Variants in ANKRD31 observed in about 807,000 individuals in gnomAD.
The protein encoded by ANKRD31 is ankyrin repeat domain 31, also known as ankyrin repeat domain-containing protein 31.
Under a neutral mutation model 186.0 loss-of-function variants are expected in ANKRD31, and 147 were observed. The ratio of observed to expected loss-of-function variants is 0.79; its 90% CI spans 0.69 to 0.91. The LOEUF is 0.91. ANKRD31 is among the 40% of genes least tolerant of loss of function. The probability of loss-of-function intolerance (pLI) is 0.00; values close to 1 mark genes in which losing one functional copy is unlikely to be tolerated. For missense variants in ANKRD31, 1,986 were observed against 2,148.8 expected (o/e 0.92, Z 1.50); for synonymous variants, 673 against 736.4 (o/e 0.91, Z 1.39).
intron 1 of ANKRD31, among the ~76,000 whole-genome samples, chr5:75,233,898 T>C (rs557207255): frequency 2.1e-4 from 32 of 152,020 alleles, no homozygotes; most frequent in African/African-American, 6.5e-4. Flanking sequence ...GCCTGGGTGA[T>C]AGAATGAGAC....
In ANKRD31 at chr5:75,185,884, A is replaced by C. The variant is rs549036924; in HGVS notation, c.1564+2609T>G. Among the ~76,000 whole-genome samples the C allele has an allele frequency of 7.8e-4, 119 of 152,114 alleles. 1 individual carries two copies. Among genetic ancestry groups the C allele is most frequent in the African/African-American group, 2.7e-3 (113 of 41,528 alleles). ...ATTATGTATCCATTAAAAGTAAAAA[A>C]TGGTGTCCAATTCCAGGAAAAACAA... On this transcript the variant is annotated intron_variant, in intron 10 of 25. Coordinates refer to ENST00000506364, the MANE Select transcript of ANKRD31 (RefSeq NM_001372053.1).
chr5:75,176,119 C>T (rs1262514163), intron 10 of ANKRD31, among the ~76,000 whole-genome samples: 2 of 152,174 alleles, frequency 1.3e-5, no homozygotes, highest in Non-Finnish European at 2.9e-5. Flanking sequence ...CCTATGCCCA[C>T]GGAGCTTCAC....
At chr5:75,068,745 C>A in intron 25 of ANKRD31, 81 bp from the exon 26 acceptor site, 1 of 1,364,806 alleles carries the variant, frequency 7.3e-7, no homozygotes, top group South Asian at 1.7e-5. Flanking sequence ...ATCCTAGAAT[C>A]CAATCAAGTC....
At chr5:75,229,175 T>C (rs2150318723) in intron 2 of ANKRD31, among the ~76,000 whole-genome samples, 1 of 152,338 alleles carries the variant, frequency 6.6e-6, no homozygotes, top group African/African-American at 2.4e-5. Context: ...TAGATTTTTC[T>C]AGAAATGTTT....
intron 25 of ANKRD31, among the ~76,000 whole-genome samples, chr5:75,077,171 C>T (rs1443688985): frequency 6.6e-6 from 1 of 152,224 alleles, no homozygotes; most frequent in South Asian, 2.1e-4. Flanking sequence ...TGGGCTCAAG[C>T]GATTCTCCTG....
Position 75,105,168 on chromosome 5 carries a change from T to C in ANKRD31, c.4391A>G (p.Asn1464Ser), listed in dbSNP as rs1561425807. ...KHGALREQLA[N>S]LAARQKSLLV... ...AAGGCTCTTCTGTCTTGCAGCCAAG[T>C]TGGCCAATTGTTCTCTCAGGGCTCC... The change falls in exon 22 of 26, where the codon AAC (asparagine) becomes AGC (serine). Residue 1464 changes from asparagine (N) to serine (S), a missense_variant. Coordinates refer to ENST00000506364, the MANE Select transcript of ANKRD31 (RefSeq NM_001372053.1). 2.0e-6 allele frequency: 3 copies of C among 1,535,652 alleles called. No individual in the cohort carries two copies. Among genetic ancestry groups the C allele is most frequent in the Non-Finnish European group, 2.6e-6 (3 of 1,146,364 alleles).
At chr5:75,206,374 C>T (rs57380879) in intron 5 of ANKRD31, 37 bp downstream of exon 5, 3 of 1,278,632 alleles carry the variant, frequency 2.3e-6, no homozygotes, top group Non-Finnish European at 3.0e-6. Context: ...TAGGCAAAGA[C>T]TAATTTCCTT....
At chr5:75,228,681 T>C (rs1272953473) in intron 2 of ANKRD31, among the ~76,000 whole-genome samples, 1 of 152,094 alleles carries the variant, frequency 6.6e-6, no homozygotes, top group African/African-American at 2.4e-5. Context: ...GTAAGGAACA[T>C]GACCTTTCAT....
chr5:75,113,940 C>A (rs1434181766), intron 19 of ANKRD31, among the ~76,000 whole-genome samples: 1 of 152,118 alleles, frequency 6.6e-6, no homozygotes, highest in Non-Finnish European at 1.5e-5. Flanking sequence ...TCTTTTGGTG[C>A]CAACTTTCCT....
chr5:75,158,619 A>G (rs1752359050), intron 11 of ANKRD31, among the ~76,000 whole-genome samples: 1 of 152,172 alleles, frequency 6.6e-6, no homozygotes. Context: ...TCTACAAAAA[A>G]TACAAGTAAA....
At chr5:75,109,299 A>T in intron 20 of ANKRD31, among the ~76,000 whole-genome samples, 1 of 152,208 alleles carries the variant, frequency 6.6e-6, no homozygotes, top group Non-Finnish European at 1.5e-5. Flanking sequence ...TCAGTTGACA[A>T]CTGATAGAAA....
chr5:75,193,459 A>C lies in ANKRD31; in HGVS notation c.1150T>G (p.Leu384Val). 2.0e-6 allele frequency: 3 copies of C among 1,537,350 alleles called. No individual in the cohort carries two copies. In the South Asian group the frequency reaches 3.6e-5, roughly 18 times the overall value. Residue 384 changes from leucine to valine, a missense_variant, in exon 8 of 26, where the codon TTG (leucine) becomes GTG (valine). Leu to Val is a conservative substitution (Grantham distance 32). Transcript: ENST00000506364. ...NSSDQETACV[L>V]RRSSRLEKLK... is the part of the protein sequence containing the mutation. ...TTTTCTAGTCTGGATGATCTCCTCA[A>C]CACACACGCAGTTTCCTGATCAGAG...
At chr5:75,127,307 C>T (rs953496574) in intron 17 of ANKRD31, among the ~76,000 whole-genome samples, 1 of 151,950 alleles carries the variant, frequency 6.6e-6, no homozygotes, top group African/African-American at 2.4e-5. Context: ...TTTTTGTGCC[C>T]CAGGATAAAT....
At chr5:75,233,224 G>C (rs916059303) in intron 1 of ANKRD31, among the ~76,000 whole-genome samples, 9 of 151,570 alleles carry the variant, frequency 5.9e-5, no homozygotes, top group South Asian at 2.1e-4. Flanking sequence ...CACCATGCCC[G>C]GTTAATTTTT....
chr5:75,106,456 T>C, intron 21 of ANKRD31, among the ~76,000 whole-genome samples: 1 of 152,094 alleles, frequency 6.6e-6, no homozygotes, highest in East Asian at 1.9e-4. Context: ...GAAGAAGGAT[T>C]CATATTAGCA....
At chr5:75,160,522 C>A (rs540747799) in intron 11 of ANKRD31, among the ~76,000 whole-genome samples, 1 of 151,988 alleles carries the variant, frequency 6.6e-6, no homozygotes, top group Non-Finnish European at 1.5e-5. Context: ...GATTAAACAA[C>A]CTAATCAAAA....
In ANKRD31 at chr5:75,104,454, C is replaced by T. The variant is rs771439799; in HGVS notation, c.5105G>A (p.Ser1702Asn). 37 of 1,537,126 alleles carry T rather than the reference C, an allele frequency of 2.4e-5. No homozygotes were observed. Among genetic ancestry groups the T allele is most frequent in the Admixed American group, 9.8e-5 (5 of 50,980 alleles). The part of the protein sequence containing the change: ...LAHQGIAVLG[S>N]DTVHQMKPYL... ...TGGTTTCATCTGATGCACTGTATCA[C>T]TGCCTAAGACAGCAATCCCTTGATG... Residue 1702 changes from serine to asparagine, a missense_variant, in exon 22 of 26, where the codon AGT becomes AAT. Physicochemically the swap from Ser to Asn is conservative, Grantham distance 46. Coordinates refer to ENST00000506364, the MANE Select transcript of ANKRD31 (RefSeq NM_001372053.1).
intron 11 of ANKRD31, among the ~76,000 whole-genome samples, chr5:75,156,268 G>T (rs1479905879): frequency 6.6e-6 from 1 of 151,830 alleles, no homozygotes; most frequent in Non-Finnish European, 1.5e-5. Context: ...GGTGGTCTTG[G>T]GTATACCACA....
At chr5:75,157,099 G>C (rs1358901352) in intron 11 of ANKRD31, among the ~76,000 whole-genome samples, 2 of 152,104 alleles carry the variant, frequency 1.3e-5, no homozygotes, top group Non-Finnish European at 2.9e-5. Flanking sequence ...TACCAGGGAG[G>C]GCTTAGGAGG....
Sources: gnomAD v4.1 joint callset for allele counts (sites outside exome capture counted in the v4.1 genomes callset) on GRCh38, gnomAD v4.1.1 for gene constraint, MANE v1.5 for transcripts, NCBI Gene and HGNC (gene_info 2026-07-23, HGNC 2026-07-21) for gene names.